The following ACADVL variants were observed in gnomAD, a reference collection of about 807,000 sequenced individuals.
The protein encoded by ACADVL is very long-chain acyl-CoA dehydrogenase, mitochondrial.
Under a neutral mutation model 80.4 loss-of-function variants are expected in ACADVL, and 73 were observed. That is an observed-to-expected ratio of 0.91 (90% confidence interval 0.75 to 1.10). The LOEUF is 1.10. ACADVL is among the 50% of genes least tolerant of loss of function. ACADVL has a pLI of 0.00. For missense variants in ACADVL, 878 were observed against 858.9 expected (o/e 1.02, Z -0.28); for synonymous variants, 392 against 326.5 (o/e 1.20, Z -2.16).
At chr17:7,222,947 G>A in intron 10 of ACADVL, 82 bp downstream of exon 10, 2 of 1,541,448 alleles carry the variant, frequency 1.3e-6, no homozygotes, top group Admixed American at 1.7e-5. Context: ...ATCACTTGCA[G>A]GCACTCCCTA....
At chr17:7,223,911 C>T (rs780569841) in intron 13 of ACADVL, 36 bp downstream of exon 13, 5 of 1,613,616 alleles carry the variant, frequency 3.1e-6, no homozygotes, top group East Asian at 4.5e-5. Flanking sequence ...TCGGCTGGGC[C>T]AGGGGTGGGT....
upstream of ACADVL, chr17:7,218,153 G>T: frequency 7.9e-7 from 1 of 1,259,576 alleles, no homozygotes; most frequent in Non-Finnish European, 1.1e-6. Flanking sequence ...GGGCCCCCAA[G>T]ATTCCAGGTA....
chr17:7,218,040 G>A (rs2071014729), upstream of ACADVL, among the ~76,000 whole-genome samples: 4 of 151,832 alleles, frequency 2.6e-5, no homozygotes, highest in Admixed American at 2.6e-4. Flanking sequence ...AACTGGGGCA[G>A]CCAAAGAAAA....
upstream of ACADVL, chr17:7,217,674 G>T: frequency 2.0e-6 from 3 of 1,481,708 alleles, no homozygotes; most frequent in Non-Finnish European, 2.7e-6. Context: ...AGCCAGAATG[G>T]GGGGGGTGCC....
In ACADVL at chr17:7,225,113, G is replaced by C; in HGVS notation, c.*16G>C. On this transcript the variant is annotated 3_prime_UTR_variant, in exon 20 of 20. Coordinates refer to ENST00000356839, the MANE Select transcript of ACADVL (RefSeq NM_000018.4). ...TGGCTTCTGAATACTCCCGGCCAGG[G>C]CCTGTCCCAGTTATGTGCCTTCCCT... 1 of 1,613,966 alleles carries C rather than the reference G, an allele frequency of 6.2e-7. No homozygotes were observed. The highest frequency in any genetic ancestry group is 8.5e-7 in the Non-Finnish European group (1 of 1,180,050).
upstream of ACADVL, chr17:7,219,580 T>C: frequency 8.9e-7 from 1 of 1,125,648 alleles, no homozygotes; most frequent in Non-Finnish European, 1.1e-6. Flanking sequence ...TCTCTGCCTC[T>C]GCCATCTACC....
intron 16 of ACADVL, 37 bp from the exon 17 acceptor site, chr17:7,224,443 G>A (rs748789349): frequency 6.2e-7 from 1 of 1,613,808 alleles, no homozygotes; most frequent in Non-Finnish European, 8.5e-7. Flanking sequence ...TGCAGCCGAT[G>A]GCCCCTCTGA....
At chr17:7,218,724 G>A, upstream of ACADVL, 2 of 1,557,206 alleles carry the variant, frequency 1.3e-6, no homozygotes, top group Non-Finnish European at 1.8e-6. Context: ...CCCAGACTGT[G>A]CCCTTCACCC....
chr17:7,224,053 C>T lies in ACADVL; in HGVS notation c.1418C>T (p.Ala473Val), dbSNP rs185215340. ...AATGACATTCTTCGGCTGTTTGTGG[C>T]TCTGCAGGGCTGTATGGTAAGACAG... ...GTNDILRLFVALQGCMDKGKE... is the reference protein window; with the variant it reads ...GTNDILRLFVVLQGCMDKGKE... Residue 473 changes from alanine to valine, a missense_variant, in exon 14 of 20, where the codon GCT (alanine) becomes GTT (valine). Coordinates refer to ENST00000356839, the MANE Select transcript of ACADVL (RefSeq NM_000018.4). The T allele has an allele frequency of 3.1e-6, 5 of 1,614,130 alleles. No individual in the cohort carries two copies. In the African/African-American group the frequency reaches 5.3e-5, roughly 17 times the overall value.
chr17:7,220,153 CGGCCCGGCCCTGCCCGGCGGCCCT>C lies in ACADVL; in HGVS notation c.95_118del (p.Arg32_Tyr40delinsHis). ...GCTCACGGCGCTCCTGGGGCAGCCC[CGGCCCGGCCCTGCCCGGCGGCCCT>C]ATGCCGGGGGTGCCGCTCAGGTAAG... is the stretch of plus-strand genomic sequence containing the variant. On this transcript the variant is annotated inframe_deletion, in exon 2 of 20. Coordinates refer to ENST00000356839, the MANE Select transcript of ACADVL (RefSeq NM_000018.4). 6.5e-7 allele frequency: 1 copy of C among 1,545,548 alleles called. No individual in the cohort carries two copies. The highest frequency in any genetic ancestry group is 8.7e-7 in the Non-Finnish European group (1 of 1,152,200).
At chr17:7,223,420 A>T in intron 11 of ACADVL, 183 bp downstream of exon 11, 2 of 804,448 alleles carry the variant, frequency 2.5e-6, no homozygotes, top group East Asian at 2.4e-5. Context: ...TGTTCTGCTC[A>T]GGTGCCTGCC....
rs765390290 is a variant in ACADVL, at chr17:7,223,629, A to G, written c.1183-15A>G. On this transcript the variant is annotated splice_polypyrimidine_tract_variant and intron_variant, in intron 11 of 19. Transcript: ENST00000356839. ...TTGCAATTTTCCTTCCCATGTCCCA[A>G]CTATGCAACCTCAGTCCATGGCTTA... The G allele has an allele frequency of 8.1e-6, 13 of 1,614,012 alleles. No individual in the cohort carries two copies. The South Asian group carries it at 1.3e-4, about 16-fold the overall frequency.
chr17:7,222,013 C>T lies in ACADVL; in HGVS notation c.684C>T (p.Ile228=). 1 of 1,614,100 alleles carries T rather than the reference C, an allele frequency of 6.2e-7. No individual in the cohort carries two copies. The highest frequency in any genetic ancestry group is 2.2e-5 in the East Asian group (1 of 44,860). ...CAAGCGGGTCAGATGCAGCCTCCATCCGAACCTCTGCTGTGCCCAGCCCCT... is the reference window on the plus strand; with the variant it reads ...CAAGCGGGTCAGATGCAGCCTCCATTCGAACCTCTGCTGTGCCCAGCCCCT... ...EPSSGSDAAS[I]RTSAVPSPCG... The change falls in exon 8 of 20, where the codon ATC becomes ATT. Residue 228 remains isoleucine, a synonymous_variant. Transcript: ENST00000356839.
chr17:7,222,462 T>C (rs1270340985), intron 9 of ACADVL, 160 bp downstream of exon 9: 20 of 1,273,632 alleles, frequency 1.6e-5, no homozygotes, highest in Non-Finnish European at 1.8e-5. Flanking sequence ...AGCTAAAGTT[T>C]TGGCTCCAGC....
rs1487315614 is a variant in ACADVL, at chr17:7,222,848, G to C, written c.1060G>C (p.Gly354Arg). Residue 354 changes from glycine to arginine, a missense_variant, in exon 10 of 20, where the codon GGC (glycine) becomes CGC (arginine). Coordinates refer to ENST00000356839, the MANE Select transcript of ACADVL (RefSeq NM_000018.4). ...TGCGGCCCTGGCAGGTACCATGAGA[G>C]GCATCATTGCTAAGGCGGTGAGTAC... Reference protein sequence around the residue: ...MAAALAGTMRGIIAKAVDHAT... With the variant: ...MAAALAGTMRRIIAKAVDHAT... 1 of 1,612,564 alleles carries C rather than the reference G, an allele frequency of 6.2e-7. No individual in the cohort carries two copies. The highest frequency in any genetic ancestry group is 1.1e-5 in the South Asian group (1 of 91,010).
intron 6 of ACADVL, chr17:7,221,261 C>T (rs2071201380): frequency 2.0e-6 from 2 of 1,007,344 alleles, no homozygotes; most frequent in Admixed American, 4.9e-5. Flanking sequence ...CACCCTGGTT[C>T]CCAAGTCCTT....
rs777276269 is a variant in ACADVL, at chr17:7,222,859, T to C, written c.1071T>C (p.Ala357=). ...ALAGTMRGII[A]KAVDHATNRT... Reference sequence around the variant, plus strand: ...CAGGTACCATGAGAGGCATCATTGCTAAGGCGGTGAGTACCCTGCCCGAGT... The same window carrying C: ...CAGGTACCATGAGAGGCATCATTGCCAAGGCGGTGAGTACCCTGCCCGAGT... The change falls in exon 10 of 20, where the codon GCT becomes GCC. Residue 357 remains alanine (A), a synonymous_variant. Transcript: ENST00000356839. 1 of 1,611,706 alleles carries C rather than the reference T, an allele frequency of 6.2e-7. No homozygotes were observed. Among genetic ancestry groups the C allele is most frequent in the Non-Finnish European group, 8.5e-7 (1 of 1,179,974 alleles).
intron 15 of ACADVL, 21 bp downstream of exon 15, chr17:7,224,264 A>T: frequency 6.2e-7 from 1 of 1,613,606 alleles, no homozygotes; most frequent in South Asian, 1.1e-5. Flanking sequence ...GGCCAGAGCC[A>T]GGGGAGGGCA....
rs759991740 is a variant in ACADVL at position 7,224,092 on chromosome 17, G to A, written c.1434+23G>A. 9.9e-6 allele frequency: 16 copies of A among 1,613,744 alleles called. No homozygotes were observed. Among genetic ancestry groups the A allele is most frequent in the African/African-American group, 1.3e-5 (1 of 74,886 alleles). On this transcript the variant is annotated intron_variant, in intron 14 of 19. Transcript: ENST00000356839. ...ATGGTAAGACAGAGAATTGGGTGGG[G>A]GTAGAGGTGGGGAGGACAGTGAGTC...
Sources: gnomAD v4.1 joint callset for allele counts (sites outside exome capture counted in the v4.1 genomes callset) on GRCh38, gnomAD v4.1.1 for gene constraint, MANE v1.5 for transcripts, NCBI Gene and HGNC (gene_info 2026-07-23, HGNC 2026-07-21) for gene names.